AIG1: variants seen among roughly 807,000 people sequenced by gnomAD.
AIG1 encodes the protein androgen-induced gene 1 protein.
AIG1 carries 23 observed loss-of-function variants against 31.4 expected under a neutral mutation model. That is an observed-to-expected ratio of 0.73 (90% confidence interval 0.53 to 1.04). The LOEUF is 1.04. AIG1 is among the 50% of genes least tolerant of loss of function. The pLI is 0.00. For missense variants in AIG1, 274 were observed against 295.0 expected (o/e 0.93, Z 0.52); for synonymous variants, 100 against 110.5 (o/e 0.90, Z 0.60).
chr6:143,108,969 A>G (rs1181171558), intron 1 of AIG1, among the ~76,000 whole-genome samples: 2 of 152,294 alleles, frequency 1.3e-5, no homozygotes, highest in East Asian at 1.9e-4. Context: ...AAGCTACTCT[A>G]TCCCTTCCGT....
At chr6:143,264,271 C>T (rs917665304) in intron 3 of AIG1, among the ~76,000 whole-genome samples, 2 of 152,098 alleles carry the variant, frequency 1.3e-5, no homozygotes, top group African/African-American at 4.8e-5. Flanking sequence ...TATCCTTATT[C>T]GCTCCTGCTC....
Position 143,331,199 on chromosome 6 carries a change from A to T in AIG1, c.516-2083A>T, listed in dbSNP as rs573195881. Among the ~76,000 whole-genome samples, 14 of 152,198 alleles carry T rather than the reference A, an allele frequency of 9.2e-5. No homozygotes were observed. Among genetic ancestry groups the T allele is most frequent in the African/African-American group, 3.4e-4 (14 of 41,520 alleles). ...CATTTTTTATTGTGCTAAAATATAC[A>T]TAACATAATATTTGTCATTTTAGCT... On this transcript the variant is annotated intron_variant, in intron 4 of 5. Coordinates refer to ENST00000357847, the MANE Select transcript of AIG1 (RefSeq NM_016108.4). This position sits in a 1 kb window ranked among gnomAD's most constrained non-coding sequence, Gnocchi z 4.1.
chr6:143,248,399 C>T (rs1381267302), intron 3 of AIG1, among the ~76,000 whole-genome samples: 19 of 152,158 alleles, frequency 1.2e-4, no homozygotes, highest in Non-Finnish European at 4.4e-5. Flanking sequence ...CCAGTACCCT[C>T]AAATATAGGG....
At chr6:143,234,896 TGAG>T (rs1390561746) in intron 3 of AIG1, among the ~76,000 whole-genome samples, 1 of 152,014 alleles carries the variant, frequency 6.6e-6, no homozygotes, top group Non-Finnish European at 1.5e-5. Flanking sequence ...ACTTGGGAGA[TGAG>T]GATGAAATGA....
chr6:143,191,175 A>G (rs777628014), intron 3 of AIG1, among the ~76,000 whole-genome samples: 1 of 152,304 alleles, frequency 6.6e-6, no homozygotes, highest in South Asian at 2.1e-4. Context: ...GTTAATCTGC[A>G]TAATCACGCA....
intron 3 of AIG1, among the ~76,000 whole-genome samples, chr6:143,250,681 C>T (rs994370146): frequency 3.9e-5 from 6 of 152,028 alleles, no homozygotes; most frequent in Non-Finnish European, 7.4e-5. Flanking sequence ...GGAGTGACGC[C>T]GCTACAAGCC....
intron 2 of AIG1, among the ~76,000 whole-genome samples, chr6:143,164,242 T>C (rs1481559341): frequency 6.6e-6 from 1 of 152,230 alleles, no homozygotes; most frequent in Non-Finnish European, 1.5e-5. Context: ...GTTCCCTTTC[T>C]AGGCCACATT....
chr6:143,341,492 A>G (rs540569909), downstream of AIG1, among the ~76,000 whole-genome samples: 1 of 152,332 alleles, frequency 6.6e-6, no homozygotes, highest in South Asian at 2.1e-4. Context: ...GGCCATTAAA[A>G]TGGGCCCTAA....
intron 3 of AIG1, chr6:143,188,570 G>A: frequency 1.0e-6 from 1 of 985,362 alleles, no homozygotes; most frequent in Non-Finnish European, 1.2e-6. Context: ...TGGGACAGCA[G>A]AAGATTTCAG....
intron 1 of AIG1, among the ~76,000 whole-genome samples, chr6:143,104,819 G>T (rs886656795): frequency 6.6e-6 from 1 of 151,906 alleles, no homozygotes; most frequent in South Asian, 2.1e-4. Context: ...CAGGAGGATT[G>T]CTTGAGCCTA....
chr6:143,149,983 G>T (rs1785061292), intron 2 of AIG1, among the ~76,000 whole-genome samples: 1 of 152,134 alleles, frequency 6.6e-6, no homozygotes, highest in African/African-American at 2.4e-5. Flanking sequence ...AAACTTTTTG[G>T]CAAGAAGTGA....
chr6:143,071,495 T>G (rs1157549420), intron 1 of AIG1, among the ~76,000 whole-genome samples: 2 of 152,228 alleles, frequency 1.3e-5, no homozygotes, highest in African/African-American at 4.8e-5. Flanking sequence ...ATTTTTAGTT[T>G]TACCGGAAGC....
rs1422898327 is a variant in AIG1 at position 143,291,049 on chromosome 6, G to A, written c.515+6824G>A. The stretch of plus-strand genomic sequence containing the variant: ...CCACACTGACCAAAGCCAAGTGTGA[G>A]GCTCTAAGAGAATCCCTGGTAAATA... On this transcript the variant is annotated intron_variant, in intron 4 of 5. Coordinates refer to ENST00000357847, the MANE Select transcript of AIG1 (RefSeq NM_016108.4). The surrounding 1 kb of genome is among the most constrained non-coding windows in gnomAD (Gnocchi z 4.2). Among the ~76,000 whole-genome samples the A allele has an allele frequency of 3.3e-5, 5 of 152,136 alleles. No individual in the cohort carries two copies. In the East Asian group the frequency reaches 7.7e-4, roughly 23 times the overall value.
chr6:143,213,497 TTTTC>T (rs1445685751), intron 3 of AIG1, among the ~76,000 whole-genome samples: 6 of 150,790 alleles, frequency 4.0e-5, no homozygotes, highest in Non-Finnish European at 8.8e-5. Flanking sequence ...AGTTCTTTCT[TTTTC>T]TTTCTTCTTT....
At chr6:143,312,780 T>C (rs1333381172) in intron 4 of AIG1, among the ~76,000 whole-genome samples, 1 of 151,490 alleles carries the variant, frequency 6.6e-6, no homozygotes, top group East Asian at 1.9e-4. Context: ...AACCCACAGA[T>C]TGGGAAAAAA....
intron 3 of AIG1, among the ~76,000 whole-genome samples, chr6:143,214,401 C>G (rs889313410): frequency 3.3e-5 from 5 of 152,196 alleles, no homozygotes; most frequent in African/African-American, 1.2e-4. Flanking sequence ...TGGAGCTTCC[C>G]AGGATGGCTA....
In AIG1 at chr6:143,127,345, G is replaced by A. The variant is rs888362345; in HGVS notation, c.142-9490G>A. 3.9e-5 allele frequency among the ~76,000 whole-genome samples: 6 copies of A among 151,968 alleles called. No homozygotes were observed. In the South Asian group the frequency reaches 6.2e-4, roughly 16 times the overall value. On this transcript the variant is annotated intron_variant, in intron 1 of 5. Coordinates refer to ENST00000357847, the MANE Select transcript of AIG1 (RefSeq NM_016108.4). ...CCATTGCTGCCCTTCTCAGCATTCC[G>A]TCTTCTTGTTTCTTCTGTCTGCTGT...
At chr6:143,093,438 G>T (rs1363023018) in intron 1 of AIG1, among the ~76,000 whole-genome samples, 2 of 152,190 alleles carry the variant, frequency 1.3e-5, no homozygotes, top group Admixed American at 6.5e-5. Context: ...TGGCTTAAGG[G>T]AATGTTGTGT....
At chr6:143,283,852 C>G (rs917691993) in intron 3 of AIG1, among the ~76,000 whole-genome samples, 3 of 152,096 alleles carry the variant, frequency 2.0e-5, no homozygotes, top group Non-Finnish European at 4.4e-5. Flanking sequence ...AGACATTTTT[C>G]TAGGTTATCA....
Sources: allele counts gnomAD v4.1 joint callset (sites outside exome capture counted in the v4.1 genomes callset), GRCh38; gene constraint gnomAD v4.1.1; non-coding constraint Gnocchi (gnomAD v3.1); transcripts MANE v1.5; gene names NCBI Gene and HGNC (gene_info 2026-07-23, HGNC 2026-07-21).